Variants in RANBP10 observed in about 807,000 individuals in gnomAD.
RANBP10 encodes the protein ran-binding protein 10.
In RANBP10, 24 loss-of-function variants were observed where a neutral mutation model predicts 72.8. The observed-to-expected ratio is 0.33, with a 90% CI of 0.24 to 0.46. RANBP10 has a LOEUF of 0.46. Among genes scored for constraint, RANBP10 ranks in the 20% least tolerant of loss-of-function variants. The pLI is 1.00. For synonymous variants in RANBP10, 310 were observed against 322.3 expected (o/e 0.96, Z 0.41); for missense variants, 679 against 817.5 (o/e 0.83, Z 2.07).
At chr16:67,794,070 T>TG (rs1312049968) in intron 2 of RANBP10, among the ~76,000 whole-genome samples, 2 of 151,922 alleles carry the variant, frequency 1.3e-5, no homozygotes, top group Non-Finnish European at 2.9e-5. Flanking sequence ...TTCGTAGAGG[T>TG]GGGGGTCTCA....
intron 2 of RANBP10, among the ~76,000 whole-genome samples, chr16:67,791,657 C>T (rs992253101): frequency 1.3e-5 from 2 of 152,162 alleles, no homozygotes; most frequent in African/African-American, 2.4e-5. Flanking sequence ...TTCATCTTGA[C>T]ATCTAATACC....
At chr16:67,731,666 T>TC in intron 6 of RANBP10, 82 bp from the exon 7 acceptor site, 1 of 1,011,518 alleles carries the variant, frequency 9.9e-7, no homozygotes, top group Non-Finnish European at 1.5e-6. Flanking sequence ...ACAGATTACC[T>TC]CCCCCAGAGG....
intron 3 of RANBP10, among the ~76,000 whole-genome samples, chr16:67,750,916 G>A (rs922943218): frequency 1.3e-5 from 2 of 151,900 alleles, no homozygotes; most frequent in African/African-American, 2.4e-5. Context: ...ACAGGCACCC[G>A]CCACCACGCC....
At chr16:67,795,210 A>G (rs2055107474) in intron 2 of RANBP10, among the ~76,000 whole-genome samples, 1 of 151,744 alleles carries the variant, frequency 6.6e-6, no homozygotes, top group Non-Finnish European at 1.5e-5. Flanking sequence ...GCAATACTGC[A>G]CTCCAGCCTG....
chr16:67,751,916 T>TA lies in RANBP10; in HGVS notation c.401-7462dup, dbSNP rs1371991725. On this transcript the variant is annotated intron_variant, in intron 3 of 13. Transcript: ENST00000317506. ...AAAAAGAAAAAAAAAAGAAAGAATT[T>TA]AAAAATTTTTAACTCTGGCTATAAA... Among the ~76,000 whole-genome samples, 11 of 151,476 alleles carry TA rather than the reference T, an allele frequency of 7.3e-5. No homozygotes were observed. In the South Asian group the frequency reaches 1.9e-3, roughly 26 times the overall value.
At chr16:67,765,599 G>A (rs1400842630) in intron 3 of RANBP10, among the ~76,000 whole-genome samples, 1 of 152,162 alleles carries the variant, frequency 6.6e-6, no homozygotes, top group East Asian at 1.9e-4. Context: ...CACTTTGAGA[G>A]GCTGAGGTGG....
intron 2 of RANBP10, among the ~76,000 whole-genome samples, chr16:67,798,349 T>C (rs184108224): frequency 2.0e-5 from 3 of 152,262 alleles, no homozygotes; most frequent in Admixed American, 6.5e-5. Context: ...GACTGGAACT[T>C]GGTGAGGGGA....
chr16:67,726,184 TGA>T lies in RANBP10; in HGVS notation c.*242_*243del. On this transcript the variant is annotated 3_prime_UTR_variant, in exon 14 of 14. Coordinates refer to ENST00000317506, the MANE Select transcript of RANBP10 (RefSeq NM_020850.3). ...CCCTTTCAAAATAGAAGGCGCTACATGAGAGTAACCAGCCAATACTGTGTTAC... is the reference window on the plus strand; with the variant it reads ...CCCTTTCAAAATAGAAGGCGCTACATGAGTAACCAGCCAATACTGTGTTAC... 2.1e-6 allele frequency: 1 copy of T among 468,992 alleles called. No homozygotes were observed. The highest frequency in any genetic ancestry group is 2.0e-5 in the African/African-American group (1 of 49,866). 29.1% of individuals were successfully genotyped at this position (468,992 alleles called of 1,614,324 possible).
In RANBP10 at chr16:67,753,199, T is replaced by C. The variant is rs1453718202; in HGVS notation, c.401-8744A>G. Among the ~76,000 whole-genome samples the C allele has an allele frequency of 4.4e-5, 6 of 136,468 alleles. No individual in the cohort carries two copies. In the East Asian group the frequency reaches 1.3e-3, roughly 30 times the overall value. The allele number at this position is 136,468 out of a possible 152,430, so 89.5% of individuals were successfully genotyped here. On this transcript the variant is annotated intron_variant, in intron 3 of 13. Transcript: ENST00000317506. ...CTAGCCTGGGAAACAGAGAGAAATCTCATCTTAAAAAAAAAAAAAAAAAAG... is the reference window on the plus strand; with the variant it reads ...CTAGCCTGGGAAACAGAGAGAAATCCCATCTTAAAAAAAAAAAAAAAAAAG...
intron 5 of RANBP10, among the ~76,000 whole-genome samples, 164 bp downstream of exon 5, chr16:67,737,849 G>A (rs1410747517): frequency 2.6e-5 from 4 of 152,152 alleles, no homozygotes; most frequent in African/African-American, 9.7e-5. Context: ...GAGAGAGGAA[G>A]GCCAGCAAGT....
At chr16:67,796,011 C>T (rs1459184429) in intron 2 of RANBP10, among the ~76,000 whole-genome samples, 5 of 150,140 alleles carry the variant, frequency 3.3e-5, no homozygotes, top group South Asian at 2.1e-4. Flanking sequence ...CCACCTCCCG[C>T]GTTCAAGTGA....
intron 2 of RANBP10, among the ~76,000 whole-genome samples, chr16:67,794,109 C>T (rs1462234347): frequency 1.3e-5 from 2 of 152,110 alleles, no homozygotes; most frequent in African/African-American, 4.8e-5. Flanking sequence ...TCTTGAACCC[C>T]TAGGCTCAAG....
intron 12 of RANBP10, 150 bp downstream of exon 12, chr16:67,727,601 C>A: frequency 7.4e-7 from 1 of 1,342,400 alleles, no homozygotes; most frequent in Non-Finnish European, 1.0e-6. Flanking sequence ...GTGTGGAGGG[C>A]ACATGTCCAG....
At chr16:67,802,203 A>G (rs2055246947) in intron 2 of RANBP10, among the ~76,000 whole-genome samples, 1 of 152,194 alleles carries the variant, frequency 6.6e-6, no homozygotes, top group Non-Finnish European at 1.5e-5. Flanking sequence ...CCATACTAAC[A>G]TGTGGCTGCA....
chr16:67,806,449 G>A lies in RANBP10; in HGVS notation c.88C>T (p.Pro30Ser). Residue 30 changes from proline (P) to serine (S), a missense_variant, in exon 1 of 14, where the codon CCT becomes TCT. Transcript: ENST00000317506. ...GGGAGGGLPS[P>S]GEQELSRRLQ... Reference sequence around the variant, plus strand: ...CGCCGGCTCAGCTCCTGCTCCCCAGGGGACGGCAGCCCGCCCCCAGCGCCC... The same window carrying A: ...CGCCGGCTCAGCTCCTGCTCCCCAGAGGACGGCAGCCCGCCCCCAGCGCCC... 1 of 1,575,548 alleles carries A rather than the reference G, an allele frequency of 6.3e-7. No homozygotes were observed. Among genetic ancestry groups the A allele is most frequent in the Middle Eastern group, 1.8e-4 (1 of 5,598 alleles).
intron 3 of RANBP10, among the ~76,000 whole-genome samples, chr16:67,770,015 T>C (rs979870539): frequency 5.5e-5 from 8 of 145,318 alleles, no homozygotes; most frequent in African/African-American, 1.8e-4. Flanking sequence ...CAGTGAGCCA[T>C]GATCATGCCA....
chr16:67,767,706 C>T (rs1289191941), intron 3 of RANBP10, among the ~76,000 whole-genome samples: 1 of 152,056 alleles, frequency 6.6e-6, no homozygotes, highest in Admixed American at 6.6e-5. Context: ...ACGCCATTCT[C>T]CTGCCTCAGC....
intron 5 of RANBP10, among the ~76,000 whole-genome samples, chr16:67,737,395 G>A (rs1192402925): frequency 6.6e-6 from 1 of 151,482 alleles, no homozygotes; most frequent in Non-Finnish European, 1.5e-5. Context: ...GTAGAGACAG[G>A]GTTTCACCCT....
chr16:67,774,634 C>T (rs887801873), intron 2 of RANBP10, among the ~76,000 whole-genome samples: 4 of 152,160 alleles, frequency 2.6e-5, no homozygotes, highest in African/African-American at 9.7e-5. Context: ...CATTTGGGCA[C>T]CATTCCACCT....
Sources: gnomAD v4.1 joint callset for allele counts (sites outside exome capture counted in the v4.1 genomes callset) on GRCh38, gnomAD v4.1.1 for gene constraint, MANE v1.5 for transcripts, NCBI Gene and HGNC (gene_info 2026-07-23, HGNC 2026-07-21) for gene names.